ABTB3: variants seen among roughly 807,000 people sequenced by gnomAD.
The protein encoded by ABTB3 is ankyrin repeat and BTB domain containing 3.
the ABTB3 span, among the ~76,000 whole-genome samples, chr12:107,376,921 T>G: frequency 6.6e-6 from 1 of 152,152 alleles, no homozygotes; most frequent in South Asian, 2.1e-4. Flanking sequence ...CAGGCCCGTC[T>G]GAGTCCAGAG....
At chr12:107,538,833 G>A in the ABTB3 span, among the ~76,000 whole-genome samples, 1 of 152,124 alleles carries the variant, frequency 6.6e-6, no homozygotes, top group African/African-American at 2.4e-5. Context: ...CCACAAAGTG[G>A]GCCCCACTCT....
chr12:107,632,172 A>G, the ABTB3 span, among the ~76,000 whole-genome samples: 1 of 152,176 alleles, frequency 6.6e-6, no homozygotes, highest in Non-Finnish European at 1.5e-5. Context: ...ACACTGCAGG[A>G]CACCTCTTCC....
chr12:107,406,599 T>A, the ABTB3 span, among the ~76,000 whole-genome samples: 1 of 152,130 alleles, frequency 6.6e-6, no homozygotes, highest in Admixed American at 6.5e-5. Context: ...TAGCCAATAT[T>A]CACGGAGCAT....
At chr12:107,461,457 C>A in the ABTB3 span, among the ~76,000 whole-genome samples, 5 of 151,690 alleles carry the variant, frequency 3.3e-5, no homozygotes, top group Non-Finnish European at 7.4e-5. Context: ...TTCTGGGAGC[C>A]TCCAGAAGCC....
At chr12:107,331,982 G>A in the ABTB3 span, among the ~76,000 whole-genome samples, 1 of 152,236 alleles carries the variant, frequency 6.6e-6, no homozygotes, top group African/African-American at 2.4e-5. Context: ...GAGAGCTATG[G>A]ATTAAGGAAA....
the ABTB3 span, among the ~76,000 whole-genome samples, chr12:107,641,114 A>G: frequency 3.9e-5 from 6 of 152,294 alleles, no homozygotes; most frequent in African/African-American, 1.2e-4. Flanking sequence ...TCCTTCCAGG[A>G]AGTTTGCTAA....
At chr12:107,492,203 G>A in the ABTB3 span, among the ~76,000 whole-genome samples, 1 of 152,180 alleles carries the variant, frequency 6.6e-6, no homozygotes, top group African/African-American at 2.4e-5. Flanking sequence ...TTAGATATCT[G>A]AGAGTGGAAG....
chr12:107,440,335 A>G, the ABTB3 span, among the ~76,000 whole-genome samples: 1 of 152,110 alleles, frequency 6.6e-6, no homozygotes, highest in African/African-American at 2.4e-5. Context: ...CCCCAAGCTC[A>G]CGCCGACTTC....
chr12:107,370,156 A>C, the ABTB3 span, among the ~76,000 whole-genome samples: 1 of 152,362 alleles, frequency 6.6e-6, no homozygotes, highest in East Asian at 1.9e-4. Flanking sequence ...CCCAGGCCTC[A>C]CCAAGGTAGG....
the ABTB3 span, chr12:107,520,764 T>C: frequency 8.5e-7 from 1 of 1,178,516 alleles, no homozygotes; most frequent in South Asian, 1.5e-5. Flanking sequence ...ACACCTTTTA[T>C]TGACTGCCTG....
the ABTB3 span, among the ~76,000 whole-genome samples, chr12:107,495,865 C>T: frequency 1.3e-5 from 2 of 152,142 alleles, no homozygotes; most frequent in Non-Finnish European, 2.9e-5. Flanking sequence ...CCCATAGGGT[C>T]ATAGGGTTAT....
chr12:107,472,866 G>A, the ABTB3 span, among the ~76,000 whole-genome samples: 1 of 152,174 alleles, frequency 6.6e-6, no homozygotes, highest in Non-Finnish European at 1.5e-5. Context: ...ATGTTCAGTG[G>A]GATCATTAGA....
chr12:107,435,884 C>A, the ABTB3 span, among the ~76,000 whole-genome samples: 2 of 152,236 alleles, frequency 1.3e-5, no homozygotes, highest in Admixed American at 1.3e-4. Context: ...CTGTCCAACA[C>A]AGCAGCTATT....
chr12:107,380,421 C>A, the ABTB3 span, among the ~76,000 whole-genome samples: 1 of 152,136 alleles, frequency 6.6e-6, no homozygotes, highest in African/African-American at 2.4e-5. Flanking sequence ...AACTTGGCTG[C>A]GTGTCCCAAC....
the ABTB3 span, among the ~76,000 whole-genome samples, chr12:107,468,318 C>G: frequency 6.6e-6 from 1 of 152,270 alleles, no homozygotes; most frequent in Middle Eastern, 3.4e-3. Context: ...GGTAGGCACT[C>G]TTTTCCCTCT....
the ABTB3 span, among the ~76,000 whole-genome samples, chr12:107,428,763 GC>G: frequency 6.6e-6 from 1 of 152,228 alleles, no homozygotes; most frequent in Non-Finnish European, 1.5e-5. Flanking sequence ...CTGTGAAGAG[GC>G]AAAATCCAAT....
At chr12:107,454,506 G>T in the ABTB3 span, among the ~76,000 whole-genome samples, 3 of 152,318 alleles carry the variant, frequency 2.0e-5, no homozygotes, top group South Asian at 6.2e-4. Flanking sequence ...AGCAGAAGGG[G>T]TCCAGATGTT....
the ABTB3 span, among the ~76,000 whole-genome samples, chr12:107,394,209 C>T: frequency 6.7e-6 from 1 of 149,750 alleles, no homozygotes; most frequent in African/African-American, 2.4e-5. Context: ...CGAGATTGCC[C>T]TTGTTGGCCC....
chr12:107,612,742 T>C, the ABTB3 span: 1 of 1,568,864 alleles, frequency 6.4e-7, no homozygotes, highest in Non-Finnish European at 8.7e-7. Context: ...AGCCACCTTG[T>C]AAACGTTTTC....
Sources: gnomAD v4.1 joint callset for allele counts (sites outside exome capture counted in the v4.1 genomes callset) on GRCh38, gnomAD v4.1.1 for gene constraint, MANE v1.5 for transcripts, NCBI Gene and HGNC (gene_info 2026-07-23, HGNC 2026-07-21) for gene names.